FGFR2: variants seen among roughly 807,000 people sequenced by gnomAD.
FGFR2 encodes the protein fibroblast growth factor receptor 2.
In FGFR2, 19 loss-of-function variants were observed where a neutral mutation model predicts 95.9. The ratio of observed to expected loss-of-function variants is 0.20; its 90% CI spans 0.14 to 0.29. FGFR2 has a LOEUF of 0.29. FGFR2 is among the 10% of genes least tolerant of loss of function. The probability of loss-of-function intolerance (pLI) is 1.00; values close to 1 mark genes in which losing one functional copy is unlikely to be tolerated. For missense variants in FGFR2, 707 were observed against 1,056.9 expected (o/e 0.67, Z 4.59); for synonymous variants, 392 against 393.3 (o/e 1.00, Z 0.04).
intron 6 of FGFR2, chr10:121,526,051 T>C (rs537949901): frequency 2.5e-6 from 1 of 396,736 alleles, no homozygotes; most frequent in Non-Finnish European, 4.4e-6. Flanking sequence ...TTCCCAGTAT[T>C]GATCTGGAAA....
intron 6 of FGFR2, among the ~76,000 whole-genome samples, chr10:121,532,304 G>A (rs559777863): frequency 8.0e-4 from 122 of 152,202 alleles, no homozygotes; most frequent in Admixed American, 1.2e-3. Flanking sequence ...ATATCCTAAC[G>A]TCTCTGGACG....
intron 2 of FGFR2, among the ~76,000 whole-genome samples, chr10:121,586,478 A>G (rs1861848800): frequency 6.6e-6 from 1 of 152,244 alleles, no homozygotes; most frequent in Non-Finnish European, 1.5e-5. Flanking sequence ...TAGCCCCCTG[A>G]CTTGGTACTG....
intron 12 of FGFR2, 86 bp downstream of exon 12, chr10:121,498,409 G>T: frequency 1.1e-6 from 1 of 877,752 alleles, no homozygotes; most frequent in Non-Finnish European, 1.9e-6. Context: ...TGCTCTGGGA[G>T]CAGGATCTGG....
At chr10:121,523,942 G>A (rs961596980) in intron 6 of FGFR2, among the ~76,000 whole-genome samples, 1 of 152,174 alleles carries the variant, frequency 6.6e-6, no homozygotes, top group Non-Finnish European at 1.5e-5. Flanking sequence ...CTTTCATCCC[G>A]CCTGACATCT....
At chr10:121,561,378 C>G (rs1346486179) in intron 4 of FGFR2, among the ~76,000 whole-genome samples, 1 of 149,784 alleles carries the variant, frequency 6.7e-6, no homozygotes, top group Non-Finnish European at 1.5e-5. Context: ...GAGCTGAGAT[C>G]GCACCATTGC....
intron 11 of FGFR2, among the ~76,000 whole-genome samples, chr10:121,500,471 A>C (rs192391090): frequency 1.8e-4 from 27 of 152,342 alleles, no homozygotes; most frequent in African/African-American, 6.3e-4. Flanking sequence ...TTAAGTCCCA[A>C]ATCTAACACA....
At chr10:121,480,251 GACC>G (rs1844505424) in intron 17 of FGFR2, 2 of 621,644 alleles carry the variant, frequency 3.2e-6, no homozygotes, top group South Asian at 3.5e-5. Flanking sequence ...ACCTCCCTGA[GACC>G]ACGTCTGATG....
At chr10:121,482,163 C>T (rs1483404879) in intron 17 of FGFR2, 1 of 1,612,672 alleles carries the variant, frequency 6.2e-7, no homozygotes, top group African/African-American at 1.3e-5. Context: ...TCAATGAAGC[C>T]ATAAACTTTC....
At chr10:121,541,102 A>C (rs1328855131) in intron 5 of FGFR2, among the ~76,000 whole-genome samples, 1 of 152,194 alleles carries the variant, frequency 6.6e-6, no homozygotes, top group Non-Finnish European at 1.5e-5. Context: ...CTGGAGATGC[A>C]CTACAAATAT....
At chr10:121,555,338 A>C (rs1855983081) in intron 4 of FGFR2, among the ~76,000 whole-genome samples, 1 of 151,834 alleles carries the variant, frequency 6.6e-6, no homozygotes, top group Non-Finnish European at 1.5e-5. Flanking sequence ...ATGCCATTGC[A>C]CTCCAGCCTG....
intron 5 of FGFR2, among the ~76,000 whole-genome samples, chr10:121,548,244 C>CGTTTTT (rs1854822809): frequency 2.7e-5 from 1 of 36,880 alleles, no homozygotes; most frequent in African/African-American, 7.1e-5. Flanking sequence ...CCGCTTTTGG[C>CGTTTTT]CTTTTTTTTT....
chr10:121,561,365 G>A (rs1262483799), intron 4 of FGFR2, among the ~76,000 whole-genome samples: 4 of 151,096 alleles, frequency 2.6e-5, no homozygotes, highest in East Asian at 1.9e-4. Context: ...CAGGGGCTGC[G>A]GTGAGCTGAG....
At chr10:121,597,594 C>A (rs1863638057) in intron 1 of FGFR2, among the ~76,000 whole-genome samples, 1 of 152,204 alleles carries the variant, frequency 6.6e-6, no homozygotes, top group Non-Finnish European at 1.5e-5. Flanking sequence ...CCCCGGGAAC[C>A]GGCCTGCGGG....
chr10:121,565,656 G>A lies in FGFR2; in HGVS notation c.158C>T (p.Ala53Val), dbSNP rs371358242. The part of the protein sequence containing the change: ...QISQPEVYVA[A>V]PGESLEVRCL... Reference sequence around the variant, plus strand: ...GCGCACCTCTAGCGACTCCCCTGGCGCAGCCACGTACACTTCTGGTTGAGA... The same window carrying A: ...GCGCACCTCTAGCGACTCCCCTGGCACAGCCACGTACACTTCTGGTTGAGA... Residue 53 changes from alanine (A) to valine (V), a missense_variant, in exon 3 of 18, where the codon GCG becomes GTG. Physicochemically the swap from Ala to Val is moderately conservative, Grantham distance 64 (BLOSUM62 0). This residue lies in a region of FGFR2 where 178 missense variants were observed against 194.1 expected (regional missense o/e 0.92). Coordinates refer to ENST00000358487, the MANE Select transcript of FGFR2 (RefSeq NM_000141.5). 6.2e-6 allele frequency: 10 copies of A among 1,614,192 alleles called. No individual in the cohort carries two copies. Among genetic ancestry groups the A allele is most frequent in the South Asian group, 1.1e-5 (1 of 91,080 alleles).
intron 3 of FGFR2, among the ~76,000 whole-genome samples, chr10:121,564,917 T>C (rs968082929): frequency 1.3e-5 from 2 of 152,136 alleles, no homozygotes; most frequent in Non-Finnish European, 2.9e-5. Flanking sequence ...TTTTCCAACA[T>C]TAACCTTTCA....
intron 5 of FGFR2, among the ~76,000 whole-genome samples, chr10:121,540,774 C>T (rs1017691424): frequency 2.6e-5 from 4 of 152,298 alleles, no homozygotes; most frequent in East Asian, 1.9e-4. Flanking sequence ...TTTGAGCCCC[C>T]GCTCAAATGT....
In FGFR2 at chr10:121,487,553, A is replaced by G. The variant is rs3135804; in HGVS notation, c.1987-129T>C. On this transcript the variant is annotated intron_variant, in intron 14 of 17. Coordinates refer to ENST00000358487, the MANE Select transcript of FGFR2 (RefSeq NM_000141.5). ...TTTACTAGTCAGTCAATAGAGCAGA[A>G]ATCAGTCCCAATGAGGACCATGAAC... is the stretch of plus-strand genomic sequence containing the variant. The G allele has an allele frequency of 1.5e-3, 1,127 of 750,990 alleles. 12 individuals are homozygous for G. In the African/African-American group the frequency reaches 0.018, roughly 12 times the overall value. The allele number at this position is 750,990 out of a possible 1,614,324, so 46.5% of individuals were successfully genotyped here. A position where few individuals can be genotyped will look rare whatever the true frequency, so the allele number is the denominator to read the frequency against.
intron 12 of FGFR2, among the ~76,000 whole-genome samples, chr10:121,497,013 C>T (rs910080724): frequency 3.3e-5 from 5 of 151,108 alleles, no homozygotes; most frequent in Non-Finnish European, 5.9e-5. Flanking sequence ...CACCTATAGT[C>T]CCAGCTACTT....
At position 121,582,793 on chromosome 10, in the gene FGFR2, A is replaced by G. The variant is rs117687813; in HGVS notation, c.109+10916T>C. On this transcript the variant is annotated intron_variant, in intron 2 of 17. Coordinates refer to ENST00000358487, the MANE Select transcript of FGFR2 (RefSeq NM_000141.5). ...GCAAGAGACTCTGTCTCACAAAAAA[A>G]GAAAAAAAAGAAAAAGGAATTCTAC... Among the ~76,000 whole-genome samples, 1,399 of 152,246 alleles carry G rather than the reference A, an allele frequency of 9.2e-3. 21 individuals carry two copies. The highest frequency in any genetic ancestry group is 0.06 in the East Asian group (309 of 5,170).
Sources: gnomAD v4.1 joint callset for allele counts (sites outside exome capture counted in the v4.1 genomes callset) on GRCh38, gnomAD v4.1.1 for gene constraint, gnomAD v4.1.1 regional missense constraint, MANE v1.5 for transcripts, NCBI Gene and HGNC (gene_info 2026-07-23, HGNC 2026-07-21) for gene names.